The following CSMD1 variants were observed in gnomAD, a reference collection of about 807,000 sequenced individuals.
The protein encoded by CSMD1 is CUB and sushi domain-containing protein 1.
Under a neutral mutation model 417.5 loss-of-function variants are expected in CSMD1, and 213 were observed. The observed-to-expected ratio is 0.51, with a 90% CI of 0.46 to 0.57. The LOEUF (loss-of-function observed/expected upper bound fraction) is 0.57. Among genes scored for constraint, CSMD1 ranks in the 20% least tolerant of loss-of-function variants. The pLI, the probability that CSMD1 is intolerant of heterozygous loss-of-function variation, is 0.00. For missense variants in CSMD1, 6,923 were observed against 4,529.7 expected (o/e 1.53, Z -15.17); for synonymous variants, 2,862 against 1,736.8 (o/e 1.65, Z -16.11).
chr8:4,992,490 C>A (rs889045520), intron 1 of CSMD1, among the ~76,000 whole-genome samples: 1 of 152,130 alleles, frequency 6.6e-6, no homozygotes, highest in Non-Finnish European at 1.5e-5. Context: ...GGGGAAAGGG[C>A]GGGAAGTTTT....
intron 41 of CSMD1, among the ~76,000 whole-genome samples, chr8:3,130,868 C>A (rs1380936426): frequency 2.0e-5 from 3 of 152,194 alleles, no homozygotes; most frequent in African/African-American, 7.2e-5. Context: ...ATGCCCTAAA[C>A]ATATGTTTTT....
chr8:3,305,804 C>T lies in CSMD1; in HGVS notation c.3950+1891G>A, dbSNP rs190713946. Among the ~76,000 whole-genome samples, 40 of 152,226 alleles carry T rather than the reference C, an allele frequency of 2.6e-4. No homozygotes were observed. In the East Asian group the frequency reaches 4.5e-3, roughly 17 times the overall value. The stretch of plus-strand genomic sequence containing the variant: ...ACACCATTCTCCTGCCTCAGCCTCC[C>T]GAGTAGCTGGGACTACAGGTGCCTG... On this transcript the variant is annotated intron_variant, in intron 25 of 69. Coordinates refer to ENST00000635120, the MANE Select transcript of CSMD1 (RefSeq NM_033225.6).
At chr8:4,524,569 C>CTTTTT (rs35453060) in intron 2 of CSMD1, among the ~76,000 whole-genome samples, 4 of 117,908 alleles carry the variant, frequency 3.4e-5, no homozygotes, top group Non-Finnish European at 5.0e-5. Context: ...CACACTTGGT[C>CTTTTT]TTTTTTTTTT....
At chr8:3,184,939 C>T (rs1463973409) in intron 36 of CSMD1, among the ~76,000 whole-genome samples, 1 of 152,228 alleles carries the variant, frequency 6.6e-6, no homozygotes, top group Non-Finnish European at 1.5e-5. Context: ...GTGCATCAGG[C>T]TACCACTTTG....
chr8:3,775,505 A>G (rs1798846789), intron 5 of CSMD1, among the ~76,000 whole-genome samples: 1 of 152,222 alleles, frequency 6.6e-6, no homozygotes, highest in African/African-American at 2.4e-5. Flanking sequence ...TATGAATAAC[A>G]TTTCCAATAG....
At chr8:4,898,974 C>A (rs116778270) in intron 1 of CSMD1, among the ~76,000 whole-genome samples, 3 of 152,052 alleles carry the variant, frequency 2.0e-5, no homozygotes, top group South Asian at 4.2e-4. Flanking sequence ...TTTAATATTA[C>A]GGTAATGATA....
At chr8:3,107,463 G>A (rs1226718148) in intron 45 of CSMD1, among the ~76,000 whole-genome samples, 1 of 151,992 alleles carries the variant, frequency 6.6e-6, no homozygotes, top group Non-Finnish European at 1.5e-5. Flanking sequence ...GGAAAAAAAT[G>A]TTCAAACTGA....
At chr8:4,001,254 G>A (rs944484889) in intron 4 of CSMD1, among the ~76,000 whole-genome samples, 6 of 152,150 alleles carry the variant, frequency 3.9e-5, no homozygotes, top group Non-Finnish European at 7.4e-5. Flanking sequence ...TTGACCAGAA[G>A]TGAATTTAAA....
At chr8:4,772,961 G>T (rs553904254) in intron 1 of CSMD1, among the ~76,000 whole-genome samples, 2 of 151,994 alleles carry the variant, frequency 1.3e-5, no homozygotes, top group Non-Finnish European at 1.5e-5. Flanking sequence ...ATAACACATG[G>T]GACATTTAAA....
At chr8:4,633,961 C>A (rs1802687735) in intron 2 of CSMD1, among the ~76,000 whole-genome samples, 2 of 149,682 alleles carry the variant, frequency 1.3e-5, no homozygotes. Context: ...CAATAAAGTT[C>A]AGCTGTTTAA....
intron 5 of CSMD1, among the ~76,000 whole-genome samples, chr8:3,965,947 T>G (rs976939211): frequency 5.9e-5 from 9 of 152,206 alleles, no homozygotes; most frequent in Non-Finnish European, 1.2e-4. Context: ...AAATAAGAAC[T>G]GTCAAGGTCT....
intron 3 of CSMD1, among the ~76,000 whole-genome samples, chr8:4,078,375 C>A (rs753199570): frequency 7.3e-6 from 1 of 136,798 alleles, no homozygotes. Flanking sequence ...AGTGCAGTGG[C>A]GTGATCTCGA....
intron 3 of CSMD1, among the ~76,000 whole-genome samples, chr8:4,114,841 G>A (rs755084937): frequency 1.2e-4 from 19 of 152,286 alleles, no homozygotes; most frequent in Non-Finnish European, 2.2e-4. Flanking sequence ...GGCTGAAGAC[G>A]TGACTGAATT....
At chr8:4,676,253 C>T (rs1017796062) in intron 1 of CSMD1, among the ~76,000 whole-genome samples, 2 of 152,142 alleles carry the variant, frequency 1.3e-5, no homozygotes, top group Non-Finnish European at 2.9e-5. Context: ...TTCTCCTTTG[C>T]TTATGACACC....
chr8:3,108,494 C>A (rs1816293083), intron 44 of CSMD1, 109 bp downstream of exon 44: 3 of 1,144,768 alleles, frequency 2.6e-6, no homozygotes, highest in African/African-American at 1.6e-5. Flanking sequence ...ATCATACACG[C>A]CCTCGGCTGA....
rs187337107 is a variant in CSMD1, at chr8:3,552,626, C to T, written c.1344+22319G>A. Among the ~76,000 whole-genome samples, 69 of 152,230 alleles carry T rather than the reference C, an allele frequency of 4.5e-4. No homozygotes were observed. In the East Asian group the frequency reaches 6.4e-3, roughly 14 times the overall value. ...GAATTAAGAGGACTCAAGTGTAACG[C>T]GTATGCTACAGAGATCCTTTCTGTT... On this transcript the variant is annotated intron_variant, in intron 10 of 69. Coordinates refer to ENST00000635120, the MANE Select transcript of CSMD1 (RefSeq NM_033225.6).
Position 3,449,323 on chromosome 8 carries a change from G to A in CSMD1, c.1561+19389C>T, listed in dbSNP as rs556661262. ...CTTTTAAAAATGTGAATCCAAATCA[G>A]CACAAACTCAATATAATCTTGTTTT... is the stretch of plus-strand genomic sequence containing the variant. On this transcript the variant is annotated intron_variant, in intron 12 of 69. Coordinates refer to ENST00000635120, the MANE Select transcript of CSMD1 (RefSeq NM_033225.6). 1.1e-4 allele frequency among the ~76,000 whole-genome samples: 17 copies of A among 152,214 alleles called. No individual in the cohort carries two copies. The East Asian group carries it at 3.1e-3, about 28-fold the overall frequency.
chr8:4,937,441 G>T (rs1024601334), intron 1 of CSMD1, among the ~76,000 whole-genome samples: 2 of 152,116 alleles, frequency 1.3e-5, no homozygotes, highest in Admixed American at 1.3e-4. Flanking sequence ...TTTTCTCTAT[G>T]ATGAGTAATA....
chr8:3,986,596 TC>T (rs1031581621), intron 5 of CSMD1, among the ~76,000 whole-genome samples: 13 of 152,280 alleles, frequency 8.5e-5, no homozygotes, highest in African/African-American at 2.6e-4. Context: ...ATTTATTTTT[TC>T]CCAAGCCATG....
Sources: gnomAD v4.1 joint callset for allele counts (sites outside exome capture counted in the v4.1 genomes callset) on GRCh38, gnomAD v4.1.1 for gene constraint, MANE v1.5 for transcripts, NCBI Gene and HGNC (gene_info 2026-07-23, HGNC 2026-07-21) for gene names.